The following DNA2 variants were observed in gnomAD, a reference collection of about 807,000 sequenced individuals.
DNA2 encodes the protein DNA replication helicase/nuclease 2, also known as DNA replication ATP-dependent helicase/nuclease DNA2.
In DNA2, 101 loss-of-function variants were observed where a neutral mutation model predicts 119.1. That is an observed-to-expected ratio of 0.85 (90% CI 0.72 to 1.00). The LOEUF (loss-of-function observed/expected upper bound fraction) is 1.00, where lower values mean the gene tolerates loss of function less well. Among genes scored for constraint, DNA2 ranks in the 50% least tolerant of loss-of-function variants. The probability of loss-of-function intolerance (pLI) is 0.00; values close to 1 mark genes in which losing one functional copy is unlikely to be tolerated. For synonymous variants in DNA2, 366 were observed against 424.4 expected (o/e 0.86, Z 1.69); for missense variants, 1,121 against 1,255.5 (o/e 0.89, Z 1.62).
chr10:68,432,081 AC>A (rs1384692817), intron 12 of DNA2, 110 bp from the exon 13 acceptor site: 1 of 1,128,588 alleles, frequency 8.9e-7, no homozygotes, highest in Admixed American at 2.2e-5. Context: ...TCAATACAAA[AC>A]CATTTCCAAA....
At position 68,471,952 on chromosome 10, in the gene DNA2, A is replaced by AGCCTGCGCACCTCGCGCGCATGC; in HGVS notation, c.-89_-88insGCATGCGCGCGAGGTGCGCAGGC. 1.2e-6 allele frequency: 2 copies of AGCCTGCGCACCTCGCGCGCATGC among 1,612,986 alleles called. No homozygotes were observed. The highest frequency in any genetic ancestry group is 1.7e-6 in the Non-Finnish European group (2 of 1,179,156). ...AGCTTAGAAAAGGGAAAAAGGCGCG[A>AGCCTGCGCACCTCGCGCGCATGC]GCCTGCGCACCTCGCGCGCATGCGC... On this transcript the variant is annotated 5_prime_UTR_variant, in exon 1 of 21. In the 5' UTR this introduces an upstream ATG that the reference lacks. Transcript: ENST00000358410.
intron 2 of DNA2, among the ~76,000 whole-genome samples, chr10:68,469,390 C>CAAAAAAAAAAAAA (rs71019005): frequency 2.6e-5 from 2 of 76,030 alleles, no homozygotes; most frequent in East Asian, 3.2e-4. Flanking sequence ...ACTAAAAATA[C>CAAAAAAAAAAAAA]AAAAAAAAAA....
At chr10:68,427,329 G>T (rs1188886353) in intron 14 of DNA2, among the ~76,000 whole-genome samples, 2 of 151,726 alleles carry the variant, frequency 1.3e-5, no homozygotes, top group African/African-American at 4.9e-5. Flanking sequence ...CTGCACTCCA[G>T]CCTGGGCAAT....
intron 19 of DNA2, among the ~76,000 whole-genome samples, chr10:68,418,411 CAAA>C (rs754294447): frequency 1.1e-4 from 6 of 54,338 alleles, no homozygotes; most frequent in Non-Finnish European, 3.6e-5. Context: ...AACGCCGTCT[CAAA>C]AAAAAAAAAA....
At position 68,417,652 on chromosome 10, in the gene DNA2, CAA is replaced by C. The variant is rs575627007; in HGVS notation, c.2968-799_2968-798del. Among the ~76,000 whole-genome samples the C allele has an allele frequency of 1.0e-3, 113 of 113,540 alleles. 1 individual carries two copies. The highest frequency in any genetic ancestry group is 4.9e-3 in the East Asian group (21 of 4,276). The allele number at this position is 113,540 out of a possible 152,430, so 74.5% of individuals were successfully genotyped here. On this transcript the variant is annotated intron_variant, in intron 19 of 20. Transcript: ENST00000358410. ...TGGGTAACAGAGCCAGATCTCATCT[CAA>C]AAAAAAAAAAAAAAAATCAAATCTG...
intron 8 of DNA2, among the ~76,000 whole-genome samples, chr10:68,444,450 C>T (rs1046368910): frequency 2.7e-5 from 4 of 150,940 alleles, no homozygotes; most frequent in Non-Finnish European, 4.4e-5. Context: ...ATTAGCTGGG[C>T]GCGGTGGCTC....
intron 17 of DNA2, among the ~76,000 whole-genome samples, chr10:68,421,679 G>A (rs898678196): frequency 6.6e-6 from 1 of 151,942 alleles, no homozygotes; most frequent in South Asian, 2.1e-4. Flanking sequence ...CTTGAATCTG[G>A]GAGGAGGAAG....
At chr10:68,438,665 C>A (rs2051924627) in intron 9 of DNA2, among the ~76,000 whole-genome samples, 1 of 152,158 alleles carries the variant, frequency 6.6e-6, no homozygotes, top group African/African-American at 2.4e-5. Flanking sequence ...ACTTTCTCCA[C>A]AGCAATGTTA....
chr10:68,422,619 G>C lies in DNA2; in HGVS notation c.2403-15C>G, dbSNP rs780656111. ...TGCCAAGAGCTCTGTCAATAAATCA[G>C]ATTCATGTTTATCAGTGTACTAAAT... On this transcript the variant is annotated splice_polypyrimidine_tract_variant and intron_variant, in intron 15 of 20. Transcript: ENST00000358410. The C allele has an allele frequency of 1.2e-6, 2 of 1,613,720 alleles. No individual in the cohort carries two copies. The highest frequency in any genetic ancestry group is 1.7e-6 in the Non-Finnish European group (2 of 1,179,702).
chr10:68,436,855 G>C lies in DNA2; in HGVS notation c.1646+156C>G. 5.0e-6 allele frequency: 3 copies of C among 597,414 alleles called. No homozygotes were observed. The South Asian group carries it at 6.9e-5, about 14-fold the overall frequency. The allele number at this position is 597,414 out of a possible 1,614,324, so 37.0% of individuals were successfully genotyped here. On this transcript the variant is annotated intron_variant, in intron 10 of 20. Coordinates refer to ENST00000358410, the MANE Select transcript of DNA2 (RefSeq NM_001080449.3). ...CTTCTTCCTTGGGAGTTTCTTTTTG[G>C]GGTGATGAAAATACTCAAAGTTGAT...
chr10:68,470,437 C>T (rs2052371457), intron 1 of DNA2: 2 of 375,142 alleles, frequency 5.3e-6, no homozygotes, highest in Non-Finnish European at 1.0e-5. Context: ...GTGGGACACT[C>T]ATTACAATGA....
At position 68,459,160 on chromosome 10, in the gene DNA2, T is replaced by G. The variant is rs2052223943; in HGVS notation, c.663A>C (p.Ala221=). 6.3e-7 allele frequency: 1 copy of G among 1,595,022 alleles called. No homozygotes were observed. Among genetic ancestry groups the G allele is most frequent in the Non-Finnish European group, 8.5e-7 (1 of 1,169,790 alleles). Reference sequence around the variant, plus strand: ...AAGTGTTTTTATGCATGAAATCTCCTGCCCATTTACAAAACGAAGGAAGAT... The same window carrying G: ...AAGTGTTTTTATGCATGAAATCTCCGGCCCATTTACAAAACGAAGGAAGAT... ...EDYLPSFCKW[A]GDFMHKNTST... Residue 221 remains alanine (A), a synonymous_variant, in exon 5 of 21, where the codon GCA becomes GCC. Transcript: ENST00000358410.
Position 68,419,179 on chromosome 10 carries a change from G to A in DNA2, c.2822C>T (p.Ala941Val). 1 of 1,606,858 alleles carries A rather than the reference G, an allele frequency of 6.2e-7. No homozygotes were observed. Among genetic ancestry groups the A allele is most frequent in the Non-Finnish European group, 8.5e-7 (1 of 1,177,584 alleles). ...GCSPSDIGIIAPYRQQLKIIN... is the reference protein window; with the variant it reads ...GCSPSDIGIIVPYRQQLKIIN... ...GATCTTTAATTGCTGCCTGTACGGT[G>A]CAATAATACCAATATCAGAGGGACT... Residue 941 changes from alanine (A) to valine (V), a missense_variant, in exon 19 of 21, where the codon GCA becomes GTA. By Grantham distance (64) the Ala-to-Val change is moderately conservative (BLOSUM62 0). Coordinates refer to ENST00000358410, the MANE Select transcript of DNA2 (RefSeq NM_001080449.3).
intron 4 of DNA2, among the ~76,000 whole-genome samples, chr10:68,460,030 TACACACACAC>T (rs150226727): frequency 2.7e-5 from 4 of 145,600 alleles, no homozygotes; most frequent in African/African-American, 1.0e-4. Flanking sequence ...CCATCACAAA[TACACACACAC>T]ACACACACAC....
At chr10:68,459,494 A>C (rs1247958478) in intron 4 of DNA2, among the ~76,000 whole-genome samples, 1 of 152,242 alleles carries the variant, frequency 6.6e-6, no homozygotes, top group East Asian at 1.9e-4. Context: ...CATTACGCTA[A>C]GTGAAATAGG....
intron 20 of DNA2, 108 bp downstream of exon 20, chr10:68,416,601 A>T: frequency 8.9e-7 from 1 of 1,126,390 alleles, no homozygotes; most frequent in Non-Finnish European, 1.3e-6. Flanking sequence ...TGAGCCCAGG[A>T]GTTCAAGACC....
chr10:68,420,313 C>T (rs1340406832), intron 17 of DNA2, among the ~76,000 whole-genome samples: 15 of 152,106 alleles, frequency 9.9e-5, no homozygotes, highest in African/African-American at 3.4e-4. Flanking sequence ...CTGAGGCAGG[C>T]GGATCACAAG....
intron 11 of DNA2, 39 bp downstream of exon 11, chr10:68,432,355 A>G: frequency 6.4e-7 from 1 of 1,564,116 alleles, no homozygotes; most frequent in African/African-American, 1.4e-5. Context: ...ATTCCTTAGA[A>G]AAGTGGAGTG....
Position 68,422,376 on chromosome 10 carries a change from C to A in DNA2, c.2546G>T (p.Gly849Val), listed in dbSNP as rs2133361857. The A allele has an allele frequency of 6.2e-7, 1 of 1,613,934 alleles. No homozygotes were observed. The highest frequency in any genetic ancestry group is 1.6e-4 in the Middle Eastern group (1 of 6,062). The change falls in exon 17 of 21, where the codon GGA becomes GTA. Residue 849 changes from glycine (G) to valine (V), a missense_variant. Gly to Val is a moderately radical substitution (Grantham distance 109, BLOSUM62 -3). Transcript: ENST00000358410. Reference sequence around the variant, plus strand: ...CACTGCATTGGCCACTTTGTCTGATCCACACTCCAGCTTGCCCTCATAGGT... The same window carrying A: ...CACTGCATTGGCCACTTTGTCTGATACACACTCCAGCTTGCCCTCATAGGT... ...KLTYEGKLEC[G>V]SDKVANAVIN...
Sources: gnomAD v4.1 joint callset for allele counts (sites outside exome capture counted in the v4.1 genomes callset) on GRCh38, gnomAD v4.1.1 for gene constraint, MANE v1.5 for transcripts, NCBI Gene and HGNC (gene_info 2026-07-23, HGNC 2026-07-21) for gene names.